FSIP1: variants seen among roughly 807,000 people sequenced by gnomAD.
The protein encoded by FSIP1 is fibrous sheath-interacting protein 1.
Under a neutral mutation model 60.9 loss-of-function variants are expected in FSIP1, and 65 were observed. The observed-to-expected ratio is 1.07, with a 90% confidence interval of 0.87 to 1.31. The LOEUF is 1.31. FSIP1 is among the 40% of genes most tolerant of loss of function. FSIP1 has a pLI of 0.00. For missense variants in FSIP1, 675 were observed against 665.5 expected (o/e 1.01, Z -0.16); for synonymous variants, 209 against 221.2 (o/e 0.94, Z 0.49).
chr15:39,661,280 T>C (rs1219488724), intron 10 of FSIP1, among the ~76,000 whole-genome samples: 2 of 152,216 alleles, frequency 1.3e-5, no homozygotes, highest in Non-Finnish European at 2.9e-5. Flanking sequence ...GGTTAACTTC[T>C]ACTTACGTCA....
At chr15:39,757,902 T>G (rs992250771) in intron 5 of FSIP1, among the ~76,000 whole-genome samples, 1 of 152,142 alleles carries the variant, frequency 6.6e-6, no homozygotes, top group African/African-American at 2.4e-5. Flanking sequence ...GCATCTTACC[T>G]GCTTTGCACA....
chr15:39,617,758 C>A lies in FSIP1; in HGVS notation c.1676G>T (p.Ser559Ile), dbSNP rs1891286386. ...ACCTGCTATTGTATTCTCTGGAGAACTGAGTTTCAGATGTTGGTCTTCTGA... is the reference window on the plus strand; with the variant it reads ...ACCTGCTATTGTATTCTCTGGAGAAATGAGTTTCAGATGTTGGTCTTCTGA... The part of the protein sequence containing the change: ...LSSEDQHLKL[S>I]SPENTIADEQ... The change falls in exon 11 of 12, where the codon AGT (serine) becomes ATT (isoleucine). Residue 559 changes from serine to isoleucine, a missense_variant. Transcript: ENST00000350221. 6.2e-7 allele frequency: 1 copy of A among 1,613,540 alleles called. No homozygotes were observed. The highest frequency in any genetic ancestry group is 8.5e-7 in the Non-Finnish European group (1 of 1,179,736).
At chr15:39,688,580 C>T (rs568579380) in intron 10 of FSIP1, among the ~76,000 whole-genome samples, 8 of 152,258 alleles carry the variant, frequency 5.3e-5, no homozygotes, top group South Asian at 4.1e-4. Context: ...AAATCAGGGA[C>T]CATCTGTACT....
downstream of FSIP1, chr15:39,599,920 G>T (rs1417851899): frequency 2.0e-5 from 3 of 152,182 alleles, no homozygotes; most frequent in Non-Finnish European, 4.4e-5. Context: ...CAATACCTCT[G>T]AAAATAGTAG....
chr15:39,659,593 G>T (rs1489760260), intron 10 of FSIP1, among the ~76,000 whole-genome samples: 2 of 119,878 alleles, frequency 1.7e-5, no homozygotes, highest in Non-Finnish European at 1.7e-5. Flanking sequence ...GAACTTCACT[G>T]TATTTGAATT....
intron 7 of FSIP1, among the ~76,000 whole-genome samples, 155 bp from the exon 8 acceptor site, chr15:39,738,356 AAAATTTTTATATAGGG>A (rs1896689850): frequency 2.0e-5 from 3 of 150,278 alleles, no homozygotes; most frequent in African/African-American, 7.6e-5. Context: ...ATTTTATACC[AAAATTTTTATATAGGG>A]CCATTCTCTA....
At chr15:39,691,888 A>G (rs1400555475) in intron 10 of FSIP1, among the ~76,000 whole-genome samples, 2 of 152,196 alleles carry the variant, frequency 1.3e-5, no homozygotes, top group Non-Finnish European at 2.9e-5. Context: ...ATAGATAGAT[A>G]GATAGAGAGC....
chr15:39,715,364 T>A (rs1238607491), intron 9 of FSIP1, among the ~76,000 whole-genome samples: 1 of 152,060 alleles, frequency 6.6e-6, no homozygotes, highest in Non-Finnish European at 1.5e-5. Context: ...CGCCACATGC[T>A]CCTTTATTGC....
intron 11 of FSIP1, chr15:39,602,398 G>A (rs1320665108): frequency 2.2e-6 from 1 of 455,358 alleles, no homozygotes; most frequent in Non-Finnish European, 4.4e-6. Flanking sequence ...CAAACTTCTG[G>A]CCTCCAAAAC....
intron 10 of FSIP1, among the ~76,000 whole-genome samples, chr15:39,626,153 G>A (rs1891629021): frequency 6.6e-6 from 1 of 152,082 alleles, no homozygotes; most frequent in Non-Finnish European, 1.5e-5. Flanking sequence ...GGAGAAATCT[G>A]GTATAAATGA....
chr15:39,616,600 C>G (rs181899606), intron 11 of FSIP1, among the ~76,000 whole-genome samples: 1 of 152,268 alleles, frequency 6.6e-6, no homozygotes, highest in East Asian at 1.9e-4. Context: ...AATCATTAGA[C>G]CAGATTAGCT....
At chr15:39,746,154 T>C (rs574444295) in intron 5 of FSIP1, among the ~76,000 whole-genome samples, 1 of 152,212 alleles carries the variant, frequency 6.6e-6, no homozygotes, top group African/African-American at 2.4e-5. Flanking sequence ...AACGACCTAA[T>C]GTTCTCTATT....
At chr15:39,740,387 G>A (rs1009520212) in intron 6 of FSIP1, among the ~76,000 whole-genome samples, 23 of 152,092 alleles carry the variant, frequency 1.5e-4, no homozygotes, top group Non-Finnish European at 2.6e-4. Flanking sequence ...TTCAGACACC[G>A]AGTGCTCAAA....
At chr15:39,771,345 A>C (rs1166721) in intron 2 of FSIP1, among the ~76,000 whole-genome samples, 23,280 of 152,096 alleles carry the variant, frequency 0.15, 3,114 homozygotes, top group African/African-American at 0.36. Context: ...TTCCCCTCCC[A>C]ACAGAGAGAC....
At chr15:39,698,640 C>T (rs1405638141) in intron 10 of FSIP1, among the ~76,000 whole-genome samples, 2 of 152,168 alleles carry the variant, frequency 1.3e-5, no homozygotes, top group Admixed American at 6.5e-5. Context: ...CCCCTTTGTG[C>T]CACATACACT....
chr15:39,749,310 A>G (rs1230618204), intron 5 of FSIP1, among the ~76,000 whole-genome samples: 2 of 148,488 alleles, frequency 1.3e-5, no homozygotes, highest in Admixed American at 6.8e-5. Flanking sequence ...AACATATTTT[A>G]TGAAGCCAGT....
At chr15:39,632,281 T>C (rs1331666400) in intron 10 of FSIP1, among the ~76,000 whole-genome samples, 1 of 152,072 alleles carries the variant, frequency 6.6e-6, no homozygotes, top group African/African-American at 2.4e-5. Flanking sequence ...GGGCTCAAGT[T>C]ATTCTCCCAC....
intron 5 of FSIP1, among the ~76,000 whole-genome samples, chr15:39,745,530 C>A (rs1896964071): frequency 1.3e-5 from 2 of 152,136 alleles, no homozygotes; most frequent in South Asian, 4.1e-4. Context: ...TATTCTAATT[C>A]AGAGTCTCAA....
chr15:39,616,469 G>T (rs1458403055), intron 11 of FSIP1, among the ~76,000 whole-genome samples: 1 of 152,098 alleles, frequency 6.6e-6, no homozygotes, highest in Non-Finnish European at 1.5e-5. Context: ...TTAACAGAGG[G>T]GACCAGGGAA....
Sources: allele counts gnomAD v4.1 joint callset (sites outside exome capture counted in the v4.1 genomes callset), GRCh38; gene constraint gnomAD v4.1.1; transcripts MANE v1.5; gene names NCBI Gene and HGNC (gene_info 2026-07-23, HGNC 2026-07-21).